The following LSAMP variants were observed in gnomAD, a reference collection of about 807,000 sequenced individuals.
LSAMP encodes the protein limbic system associated membrane protein.
LSAMP carries 7 observed loss-of-function variants against 38.6 expected under a neutral mutation model. That is an observed-to-expected ratio of 0.18 (90% CI 0.10 to 0.34). The LOEUF (loss-of-function observed/expected upper bound fraction) is 0.34. Among genes scored for constraint, LSAMP ranks in the 10% least tolerant of loss-of-function variants. The pLI is 1.00. For missense variants in LSAMP, 313 were observed against 420.0 expected, an observed-to-expected ratio of 0.75 and a Z score of 2.23; for synonymous variants, 154 against 166.8, an observed-to-expected ratio of 0.92 and a Z score of 0.59.
chr3:116,242,716 T>C (rs551188546), intron 1 of LSAMP, among the ~76,000 whole-genome samples: 1 of 152,156 alleles, frequency 6.6e-6, no homozygotes, highest in South Asian at 2.1e-4. Context: ...TCTGTACTGA[T>C]CTTTGCAGCC....
At chr3:116,310,910 AG>A (rs2047549078) in intron 1 of LSAMP, among the ~76,000 whole-genome samples, 1 of 62,434 alleles carries the variant, frequency 1.6e-5, no homozygotes, top group Non-Finnish European at 4.3e-5. Flanking sequence ...GATGATGATA[AG>A]TTGTTTTTTT....
chr3:115,807,837 C>T lies in LSAMP; in HGVS notation c.*2480G>A, dbSNP rs1933664625. The T allele has an allele frequency of 1.3e-5, 2 of 152,070 alleles. No homozygotes were observed. The highest frequency in any genetic ancestry group is 1.3e-4 in the Admixed American group (2 of 15,262). 9.4% of individuals were successfully genotyped at this position (152,070 alleles called of 1,614,324 possible). A position where few individuals can be genotyped will look rare whatever the true frequency, so the allele number is the denominator to read the frequency against. ...ATTGATGCTGCATAGGAATATGGCT[C>T]ACCTTCCCTATATTTTACTAGCTAC... On this transcript the variant is annotated 3_prime_UTR_variant, in exon 7 of 7. Coordinates refer to ENST00000490035, the MANE Select transcript of LSAMP (RefSeq NM_002338.5).
rs1210654352 is a variant in LSAMP at position 115,803,345 on chromosome 3, C to G, written c.*6972G>C. On this transcript the variant is annotated 3_prime_UTR_variant, in exon 7 of 7. Transcript: ENST00000490035. ...CCCTACTCTTCAGTGACTGGAAACT[C>G]TGATGCCTTCTGTTCTTTCAGACAA... is the stretch of plus-strand genomic sequence containing the variant. The G allele has an allele frequency of 6.6e-6, 1 of 152,254 alleles. No individual in the cohort carries two copies. The highest frequency in any genetic ancestry group is 2.4e-5 in the African/African-American group (1 of 41,446). The allele number at this position is 152,254 out of a possible 1,614,324, so 9.4% of individuals were successfully genotyped here.
chr3:116,202,130 T>C (rs1237002018), intron 1 of LSAMP, among the ~76,000 whole-genome samples: 1 of 149,518 alleles, frequency 6.7e-6, no homozygotes, highest in African/African-American at 2.5e-5. Context: ...TTTCTTTTCC[T>C]TTCCTTTCTT....
At chr3:115,826,473 G>A (rs1218712824) in intron 6 of LSAMP, among the ~76,000 whole-genome samples, 1 of 152,068 alleles carries the variant, frequency 6.6e-6, no homozygotes, top group Non-Finnish European at 1.5e-5. Flanking sequence ...TAGCTAATGT[G>A]CCCTGGTTTG....
chr3:116,250,861 T>C (rs1010072470), intron 1 of LSAMP, among the ~76,000 whole-genome samples: 1 of 152,024 alleles, frequency 6.6e-6, no homozygotes, highest in Non-Finnish European at 1.5e-5. Flanking sequence ...AGAGTGAGAC[T>C]CTGTCTCAAA....
intron 1 of LSAMP, among the ~76,000 whole-genome samples, chr3:116,347,115 T>A (rs1314809999): frequency 6.6e-6 from 1 of 152,186 alleles, no homozygotes; most frequent in African/African-American, 2.4e-5. Context: ...CAAGTACATT[T>A]TCTAATCTTG....
At chr3:116,132,952 G>C (rs972870631) in intron 1 of LSAMP, among the ~76,000 whole-genome samples, 1 of 152,098 alleles carries the variant, frequency 6.6e-6, no homozygotes, top group Non-Finnish European at 1.5e-5. Context: ...TTATAAATGA[G>C]GTATAGGGAA....
intron 3 of LSAMP, among the ~76,000 whole-genome samples, chr3:115,891,295 C>G (rs1196680868): frequency 6.6e-6 from 1 of 152,018 alleles, no homozygotes; most frequent in Non-Finnish European, 1.5e-5. Context: ...CATCAAGATG[C>G]TGGTAAATGT....
intron 1 of LSAMP, among the ~76,000 whole-genome samples, chr3:116,270,686 G>T (rs2107669600): frequency 6.6e-6 from 1 of 152,218 alleles, no homozygotes; most frequent in Non-Finnish European, 1.5e-5. Context: ...ATGTTGGAGG[G>T]TTCAGGAAAT....
chr3:116,046,942 GA>G (rs1941301826), intron 2 of LSAMP, among the ~76,000 whole-genome samples: 1 of 152,106 alleles, frequency 6.6e-6, no homozygotes, highest in East Asian at 1.9e-4. Context: ...TCAGGCAGAT[GA>G]AAAAATGGCT....
chr3:115,842,116 C>T (rs1935016656), intron 5 of LSAMP, 123 bp from the exon 6 acceptor site: 2 of 978,444 alleles, frequency 2.0e-6, no homozygotes, highest in African/African-American at 1.6e-5. Context: ...TTTGTTGTTC[C>T]ATGCCCAATT....
intron 1 of LSAMP, among the ~76,000 whole-genome samples, chr3:116,409,701 G>C (rs1457146705): frequency 6.6e-6 from 1 of 152,060 alleles, no homozygotes; most frequent in African/African-American, 2.4e-5. Flanking sequence ...AGTAGAGAAA[G>C]AGCTGTGCTT....
At chr3:116,357,153 T>C (rs986422630) in intron 1 of LSAMP, among the ~76,000 whole-genome samples, 2 of 152,240 alleles carry the variant, frequency 1.3e-5, no homozygotes, top group Admixed American at 6.5e-5. Flanking sequence ...TTTTACCTTA[T>C]AGCAAGATCA....
At chr3:115,811,730 A>C (rs569839499) in intron 6 of LSAMP, among the ~76,000 whole-genome samples, 1 of 152,346 alleles carries the variant, frequency 6.6e-6, no homozygotes, top group South Asian at 2.1e-4. Flanking sequence ...GCTTTATGTA[A>C]ATAATAAAAG....
At chr3:115,905,595 GAGTC>G (rs1389131219) in intron 3 of LSAMP, among the ~76,000 whole-genome samples, 5 of 151,938 alleles carry the variant, frequency 3.3e-5, no homozygotes, top group African/African-American at 4.8e-5. Flanking sequence ...CTTTGCTACT[GAGTC>G]AGTAACACAA....
chr3:115,858,406 A>G (rs1360701262), intron 3 of LSAMP, among the ~76,000 whole-genome samples: 1 of 152,208 alleles, frequency 6.6e-6, no homozygotes, highest in Non-Finnish European at 1.5e-5. Flanking sequence ...TGAGATACAA[A>G]GAATACAATT....
chr3:116,289,289 A>AT, intron 1 of LSAMP, among the ~76,000 whole-genome samples: 1 of 152,294 alleles, frequency 6.6e-6, no homozygotes, highest in Admixed American at 6.5e-5. Flanking sequence ...ATTTTATTTT[A>AT]TTTTTTAGAT....
At chr3:116,089,146 T>TATC (rs1708060457) in intron 1 of LSAMP, among the ~76,000 whole-genome samples, 1 of 152,240 alleles carries the variant, frequency 6.6e-6, no homozygotes, top group African/African-American at 2.4e-5. Flanking sequence ...TGTTCAGCTC[T>TATC]ATCTTACCTA....
Sources: allele counts gnomAD v4.1 joint callset (sites outside exome capture counted in the v4.1 genomes callset), GRCh38; gene constraint gnomAD v4.1.1; transcripts MANE v1.5; gene names NCBI Gene and HGNC (gene_info 2026-07-23, HGNC 2026-07-21).